The following BNC2 variants were observed in gnomAD, a reference collection of about 807,000 sequenced individuals.
BNC2 encodes the protein zinc finger protein basonuclin-2.
In BNC2, 20 loss-of-function variants were observed where a neutral mutation model predicts 76.3. The ratio of observed to expected loss-of-function variants is 0.26; its 90% CI spans 0.18 to 0.38. The LOEUF is 0.38. BNC2 is among the 10% of genes least tolerant of loss of function. BNC2 has a pLI of 1.00. For missense variants in BNC2, 1,382 were observed against 1,399.8 expected, an observed-to-expected ratio of 0.99 and a Z score of 0.20; for synonymous variants, 582 against 514.8, an observed-to-expected ratio of 1.13 and a Z score of -1.77.
At chr9:16,599,932 A>G in intron 3 of BNC2, among the ~76,000 whole-genome samples, 1 of 152,224 alleles carries the variant, frequency 6.6e-6, no homozygotes, top group Non-Finnish European at 1.5e-5. Context: ...TTATCGGATG[A>G]CCAAATACAC....
chr9:16,620,922 C>T (rs996161004), intron 3 of BNC2, among the ~76,000 whole-genome samples: 1 of 152,142 alleles, frequency 6.6e-6, no homozygotes, highest in African/African-American at 2.4e-5. Flanking sequence ...CCACCTGGAA[C>T]TGCTATACCT....
In BNC2 at chr9:16,412,203, G is replaced by A. The variant is rs922768332; in HGVS notation, c.*6786C>T. The A allele has an allele frequency of 6.6e-6, 1 of 152,492 alleles. No individual in the cohort carries two copies. Among genetic ancestry groups the A allele is most frequent in the Admixed American group, 6.5e-5 (1 of 15,270 alleles). The allele number at this position is 152,492 out of a possible 1,614,324, so 9.4% of individuals were successfully genotyped here. A position where few individuals can be genotyped will look rare whatever the true frequency, so the allele number is the denominator to read the frequency against. On this transcript the variant is annotated 3_prime_UTR_variant, in exon 7 of 7. Transcript: ENST00000380672. ...TAACGATTAAAGTCAAAAGCCTGAC[G>A]CCATCTTTTTTAGATTGTCAGTCCA...
chr9:16,634,998 G>T (rs961742906), intron 3 of BNC2, among the ~76,000 whole-genome samples: 1 of 151,792 alleles, frequency 6.6e-6, no homozygotes, highest in African/African-American at 2.4e-5. Flanking sequence ...TTAGTAATGT[G>T]GTCTGTATAA....
chr9:16,740,748 GAA>G (rs1245197721), intron 1 of BNC2, among the ~76,000 whole-genome samples: 2 of 152,104 alleles, frequency 1.3e-5, no homozygotes, highest in Non-Finnish European at 2.9e-5. Flanking sequence ...AGCCAAGAGA[GAA>G]AACGATATTG....
chr9:16,628,511 A>T (rs1821064132), intron 3 of BNC2, among the ~76,000 whole-genome samples: 1 of 152,160 alleles, frequency 6.6e-6, no homozygotes, highest in Non-Finnish European at 1.5e-5. Context: ...CCTTAGATGT[A>T]AAAGTGTGCG....
intron 5 of BNC2, among the ~76,000 whole-genome samples, chr9:16,539,967 T>C (rs1398267580): frequency 2.6e-5 from 4 of 151,944 alleles, no homozygotes; most frequent in South Asian, 2.1e-4. Context: ...ATATATCAAA[T>C]TATATATCTT....
intron 3 of BNC2, among the ~76,000 whole-genome samples, chr9:16,641,189 C>T (rs1410046354): frequency 1.3e-5 from 2 of 152,208 alleles, no homozygotes; most frequent in African/African-American, 4.8e-5. Flanking sequence ...TTTTTTAAAT[C>T]CCTGCACAAA....
At chr9:16,428,188 T>C (rs1488221681) in intron 6 of BNC2, among the ~76,000 whole-genome samples, 2 of 152,214 alleles carry the variant, frequency 1.3e-5, no homozygotes, top group Non-Finnish European at 2.9e-5. Context: ...TCCACTTTTA[T>C]TGAATTGGGA....
At chr9:16,797,106 A>T (rs899898045) in intron 1 of BNC2, among the ~76,000 whole-genome samples, 1 of 152,206 alleles carries the variant, frequency 6.6e-6, no homozygotes, top group Non-Finnish European at 1.5e-5. Flanking sequence ...TTCATTTACT[A>T]TATCTTTCTC....
chr9:16,550,846 A>G (rs572850262), intron 5 of BNC2, among the ~76,000 whole-genome samples: 2 of 152,336 alleles, frequency 1.3e-5, no homozygotes, highest in East Asian at 3.9e-4. Context: ...AGTTCCATAC[A>G]AACAACTGTA....
intron 3 of BNC2, among the ~76,000 whole-genome samples, chr9:16,633,923 A>G (rs1416933853): frequency 1.3e-5 from 2 of 152,230 alleles, no homozygotes; most frequent in South Asian, 2.1e-4. Context: ...TATTTTTGAT[A>G]ACATGCTAAA....
intron 5 of BNC2, among the ~76,000 whole-genome samples, chr9:16,454,864 T>C (rs1262313692): frequency 6.6e-6 from 1 of 152,352 alleles, no homozygotes; most frequent in East Asian, 1.9e-4. Context: ...AATATTCATC[T>C]TTCTGAAAAT....
At chr9:16,587,879 G>C (rs928752082) in intron 3 of BNC2, among the ~76,000 whole-genome samples, 1 of 152,140 alleles carries the variant, frequency 6.6e-6, no homozygotes, top group Non-Finnish European at 1.5e-5. Context: ...TTCAAGACAA[G>C]TTCCCCACTA....
chr9:16,474,759 T>C (rs1466941053), intron 5 of BNC2, among the ~76,000 whole-genome samples: 3 of 152,196 alleles, frequency 2.0e-5, no homozygotes, highest in Non-Finnish European at 4.4e-5. Flanking sequence ...AATGTTTAAC[T>C]ACTCAGAGAA....
intron 1 of BNC2, among the ~76,000 whole-genome samples, chr9:16,843,843 A>C (rs2136107753): frequency 6.6e-6 from 1 of 152,364 alleles, no homozygotes; most frequent in South Asian, 2.1e-4. Flanking sequence ...TTAGAATTCA[A>C]GCAGAAATTC....
intron 5 of BNC2, among the ~76,000 whole-genome samples, chr9:16,515,707 G>C (rs1474635724): frequency 9.1e-5 from 13 of 142,176 alleles, no homozygotes; most frequent in Non-Finnish European, 1.8e-4. Flanking sequence ...CAGAGAAAAA[G>C]GTACAATTTG....
intron 4 of BNC2, among the ~76,000 whole-genome samples, chr9:16,576,616 G>C (rs1021350088): frequency 2.0e-5 from 3 of 152,192 alleles, no homozygotes; most frequent in Non-Finnish European, 4.4e-5. Flanking sequence ...AAAATTACTT[G>C]TTTTGATCTG....
intron 1 of BNC2, among the ~76,000 whole-genome samples, chr9:16,814,975 A>T (rs1167409386): frequency 6.6e-6 from 1 of 152,084 alleles, no homozygotes; most frequent in African/African-American, 2.4e-5. Context: ...CCACCCCCAA[A>T]CCCTCAAAGT....
intron 4 of BNC2, among the ~76,000 whole-genome samples, chr9:16,567,266 A>C (rs1299660732): frequency 6.6e-6 from 1 of 152,224 alleles, no homozygotes; most frequent in Non-Finnish European, 1.5e-5. Flanking sequence ...TAATGTATGT[A>C]ATATAAATGT....
Sources: allele counts gnomAD v4.1 joint callset (sites outside exome capture counted in the v4.1 genomes callset), GRCh38; gene constraint gnomAD v4.1.1; transcripts MANE v1.5; gene names NCBI Gene and HGNC (gene_info 2026-07-23, HGNC 2026-07-21).